Variants in HSD17B2 observed in about 807,000 individuals in gnomAD.
HSD17B2 encodes 17-beta-hydroxysteroid dehydrogenase type 2.
HSD17B2 carries 32 observed loss-of-function variants against 26.9 expected under a neutral mutation model. That is an observed-to-expected ratio of 1.19 (90% confidence interval 0.90 to 1.60). The LOEUF is 1.60. HSD17B2 is among the 40% of genes most tolerant of loss of function. The probability of loss-of-function intolerance (pLI) is 0.00; values close to 1 mark genes in which losing one functional copy is unlikely to be tolerated. For synonymous variants in HSD17B2, 246 were observed against 186.7 expected (o/e 1.32, Z -2.59); for missense variants, 613 against 468.6 (o/e 1.31, Z -2.85).
At chr16:82,066,363 A>G (rs1245547999) in intron 1 of HSD17B2, among the ~76,000 whole-genome samples, 1 of 152,196 alleles carries the variant, frequency 6.6e-6, no homozygotes, top group Non-Finnish European at 1.5e-5. Context: ...TGGTGTCAGA[A>G]GGACAGGAGT....
intron 1 of HSD17B2, among the ~76,000 whole-genome samples, chr16:82,052,778 T>A (rs1354725795): frequency 1.3e-5 from 2 of 152,222 alleles, no homozygotes; most frequent in Non-Finnish European, 2.9e-5. Flanking sequence ...GGTAGTTCAC[T>A]TTATTGGTCT....
intron 1 of HSD17B2, among the ~76,000 whole-genome samples, chr16:82,062,638 T>C (rs560074723): frequency 6.6e-6 from 1 of 152,304 alleles, no homozygotes; most frequent in East Asian, 1.9e-4. Context: ...TGTAAATGGG[T>C]GATGGTAACA....
chr16:82,055,552 T>C (rs1238017055), intron 1 of HSD17B2, among the ~76,000 whole-genome samples: 1 of 152,138 alleles, frequency 6.6e-6, no homozygotes, highest in African/African-American at 2.4e-5. Context: ...AAGTAGCACA[T>C]ATGTGAGATG....
intron 1 of HSD17B2, among the ~76,000 whole-genome samples, chr16:82,049,280 T>A (rs928553438): frequency 6.6e-6 from 1 of 152,184 alleles, no homozygotes; most frequent in African/African-American, 2.4e-5. Flanking sequence ...GAGGCCAGGA[T>A]GCCACTGAAC....
In HSD17B2 at chr16:82,098,087, C is replaced by T; in HGVS notation, c.815C>T (p.Thr272Ile). ...PGGFLTNIAG[T>I]SDKWEKLEKD... ...CCTTTCACCCCAGATATCGCAGGCACCAGTGACAAGTGGGAAAAGCTGGAG... is the reference window on the plus strand; with the variant it reads ...CCTTTCACCCCAGATATCGCAGGCATCAGTGACAAGTGGGAAAAGCTGGAG... The change falls in exon 5 of 5, where the codon ACC becomes ATC. Residue 272 changes from threonine (T) to isoleucine (I), a missense_variant. Transcript: ENST00000199936. The T allele has an allele frequency of 6.2e-7, 1 of 1,612,186 alleles. No homozygotes were observed.
chr16:82,053,292 G>C lies in HSD17B2; in HGVS notation c.266-14878G>C, dbSNP rs1914163761. 3.9e-5 allele frequency among the ~76,000 whole-genome samples: 6 copies of C among 152,232 alleles called. No individual in the cohort carries two copies. In the South Asian group the frequency reaches 1.2e-3, roughly 32 times the overall value. On this transcript the variant is annotated intron_variant, in intron 1 of 4. Coordinates refer to ENST00000199936, the MANE Select transcript of HSD17B2 (RefSeq NM_002153.3). ...TGCAGGGGAAAAAGCCAAACCAAAA[G>C]TCTTACAGGTAGAGAAGATTTGGAA...
chr16:82,051,847 G>T (rs1329362822), intron 1 of HSD17B2, among the ~76,000 whole-genome samples: 7 of 152,236 alleles, frequency 4.6e-5, no homozygotes, highest in Admixed American at 4.6e-4. Flanking sequence ...CAGAGCCTCA[G>T]ATTACTAATC....
In HSD17B2 at chr16:82,057,455, C is replaced by T. The variant is rs144615243; in HGVS notation, c.266-10715C>T. 1.2e-3 allele frequency among the ~76,000 whole-genome samples: 177 copies of T among 152,330 alleles called. 2 individuals carry two copies. Among genetic ancestry groups the T allele is most frequent in the African/African-American group, 4.2e-3 (175 of 41,566 alleles). ...CTCGTGATCCACCCGCTTCGGCCTC[C>T]CAAAGTGCTGGGATTACAGGCGTGA... On this transcript the variant is annotated intron_variant, in intron 1 of 4. Coordinates refer to ENST00000199936, the MANE Select transcript of HSD17B2 (RefSeq NM_002153.3).
chr16:82,096,821 G>T (rs1220690852), intron 4 of HSD17B2: 2 of 152,070 alleles, frequency 1.3e-5, no homozygotes, highest in African/African-American at 4.8e-5. Context: ...ACAGTGCATG[G>T]ATGAATGTCA....
chr16:82,090,196 T>G, intron 3 of HSD17B2: 10 of 977,356 alleles, frequency 1.0e-5, no homozygotes, highest in Non-Finnish European at 1.1e-5. Context: ...TGGACCCTCC[T>G]CCCCACAAAA....
chr16:82,038,120 A>T (rs1317775274), intron 1 of HSD17B2, among the ~76,000 whole-genome samples: 1 of 152,220 alleles, frequency 6.6e-6, no homozygotes, highest in Non-Finnish European at 1.5e-5. Flanking sequence ...CCCAGGTGAG[A>T]GGCAATTACA....
intron 4 of HSD17B2, chr16:82,097,361 A>ATTATATATGTT (rs1567595584): frequency 1.7e-5 from 2 of 120,994 alleles, no homozygotes; most frequent in African/African-American, 5.6e-5. Context: ...ACACACACAC[A>ATTATATATGTT]CACACACACA....
At chr16:82,090,811 T>C in intron 3 of HSD17B2, 91 bp from the exon 4 acceptor site, 1 of 1,237,104 alleles carries the variant, frequency 8.1e-7, no homozygotes, top group Non-Finnish European at 1.1e-6. Context: ...TGATACCAGT[T>C]CCTACATACA....
At chr16:82,065,447 C>A (rs1597129752) in intron 1 of HSD17B2, among the ~76,000 whole-genome samples, 1 of 152,120 alleles carries the variant, frequency 6.6e-6, no homozygotes, top group African/African-American at 2.4e-5. Flanking sequence ...TGATATCACA[C>A]AAGCCTCTAG....
chr16:82,081,159 C>G (rs921817235), intron 3 of HSD17B2, among the ~76,000 whole-genome samples: 1 of 152,140 alleles, frequency 6.6e-6, no homozygotes, highest in African/African-American at 2.4e-5. Context: ...ATCTGCCCTC[C>G]TTGGAAGGCA....
At chr16:82,053,393 TATC>T (rs1408642592) in intron 1 of HSD17B2, among the ~76,000 whole-genome samples, 2 of 152,278 alleles carry the variant, frequency 1.3e-5, no homozygotes, top group East Asian at 1.9e-4. Flanking sequence ...AAGATCGAAA[TATC>T]ATCATTTTTC....
intron 1 of HSD17B2, among the ~76,000 whole-genome samples, chr16:82,066,980 T>C (rs1192239259): frequency 6.6e-6 from 1 of 152,250 alleles, no homozygotes; most frequent in Non-Finnish European, 1.5e-5. Context: ...GGATAAATAC[T>C]GAGACTTTTT....
intron 3 of HSD17B2, among the ~76,000 whole-genome samples, chr16:82,079,961 G>C (rs1011477582): frequency 6.6e-6 from 1 of 152,154 alleles, no homozygotes; most frequent in South Asian, 2.1e-4. Context: ...GAAGCAGTCA[G>C]TCACTAATAA....
At chr16:82,076,616 C>T (rs567631483) in intron 3 of HSD17B2, among the ~76,000 whole-genome samples, 2 of 152,292 alleles carry the variant, frequency 1.3e-5, no homozygotes, top group South Asian at 2.1e-4. Context: ...CGCTCTGTTG[C>T]CAGGCTGGAG....
Sources: allele counts gnomAD v4.1 joint callset (sites outside exome capture counted in the v4.1 genomes callset), GRCh38; gene constraint gnomAD v4.1.1; transcripts MANE v1.5; gene names NCBI Gene and HGNC (gene_info 2026-07-23, HGNC 2026-07-21).